TRPM3: variants seen among roughly 807,000 people sequenced by gnomAD.
TRPM3 encodes the protein transient receptor potential cation channel subfamily M member 3.
Under a neutral mutation model 181.2 loss-of-function variants are expected in TRPM3, and 77 were observed. The observed-to-expected ratio is 0.42, with a 90% CI of 0.35 to 0.51. The LOEUF is 0.51. Ranked by LOEUF, TRPM3 falls within the 20% of genes least tolerant of loss-of-function variation. The probability of loss-of-function intolerance (pLI) is 0.01; values close to 1 mark genes in which losing one functional copy is unlikely to be tolerated. For synonymous variants in TRPM3, 745 were observed against 796.4 expected (o/e 0.94, Z 1.09); for missense variants, 1,759 against 2,196.7 (o/e 0.80, Z 3.98).
chr9:71,353,449 C>T (rs2091753344), intron 1 of TRPM3, among the ~76,000 whole-genome samples: 1 of 152,264 alleles, frequency 6.6e-6, no homozygotes, highest in African/African-American at 2.4e-5. Context: ...TTTTCCTTCT[C>T]ACTGAATGTC....
At chr9:71,057,618 AAAGTT>A (rs1173340569) in intron 1 of TRPM3, among the ~76,000 whole-genome samples, 1 of 152,016 alleles carries the variant, frequency 6.6e-6, no homozygotes, top group Non-Finnish European at 1.5e-5. Context: ...ACCTATCCTA[AAAGTT>A]AAGTGTTATC....
At chr9:70,786,344 G>T (rs1486771682) in intron 6 of TRPM3, among the ~76,000 whole-genome samples, 4 of 102,568 alleles carry the variant, frequency 3.9e-5, no homozygotes, top group African/African-American at 1.3e-4. Flanking sequence ...AATTAGCTGG[G>T]CGTGGTGGCA....
rs549259955 is a variant in TRPM3, at chr9:71,326,237, G to T, written c.183+120416C>A. 2.6e-5 allele frequency among the ~76,000 whole-genome samples: 4 copies of T among 152,248 alleles called. No individual in the cohort carries two copies. The East Asian group carries it at 7.7e-4, about 29-fold the overall frequency. On this transcript the variant is annotated intron_variant, in intron 1 of 24. Coordinates refer to the TRPM3 transcript ENST00000357533. ...AATGTCCTACATTTCTAAGAAAGATGATATTTATTAATAATTTAGAAGAAA... is the reference window on the plus strand; with the variant it reads ...AATGTCCTACATTTCTAAGAAAGATTATATTTATTAATAATTTAGAAGAAA...
In TRPM3 at chr9:70,923,143, A is replaced by G. The variant is rs371422478; in HGVS notation, c.178-58632T>C. ...AATTACCTGGTTTATTAATTTTTGTAAACATTTAGATGAACTAGTTAATAA... is the reference window on the plus strand; with the variant it reads ...AATTACCTGGTTTATTAATTTTTGTGAACATTTAGATGAACTAGTTAATAA... On this transcript the variant is annotated intron_variant, in intron 1 of 25. Transcript: ENST00000677713. 5.9e-5 allele frequency among the ~76,000 whole-genome samples: 9 copies of G among 152,314 alleles called. No homozygotes were observed. In the South Asian group the frequency reaches 1.9e-3, roughly 32 times the overall value.
At chr9:71,446,643 G>C (rs1411054769) in intron 1 of TRPM3, 4 of 1,549,112 alleles carry the variant, frequency 2.6e-6, no homozygotes, top group Admixed American at 3.9e-5. Context: ...GCTCTCCCCC[G>C]GCCACTCACC....
intron 1 of TRPM3, among the ~76,000 whole-genome samples, chr9:71,200,373 T>C (rs1261865360): frequency 5.9e-5 from 9 of 151,404 alleles, no homozygotes; most frequent in Non-Finnish European, 7.4e-5. Flanking sequence ...GAGAGTTCTG[T>C]AGATGTCTAT....
At chr9:71,351,876 GTTTTTT>G (rs55844483) in intron 1 of TRPM3, among the ~76,000 whole-genome samples, 39,221 of 141,614 alleles carry the variant, frequency 0.28, 5,631 homozygotes, top group Middle Eastern at 0.33. Context: ...GTTTGTTTTT[GTTTTTT>G]TTTTTTTTTT....
chr9:71,310,251 T>C (rs186094333), intron 1 of TRPM3, among the ~76,000 whole-genome samples: 1 of 152,162 alleles, frequency 6.6e-6, no homozygotes, highest in Admixed American at 6.6e-5. Context: ...GATGGTTTAT[T>C]TTTTATATGT....
chr9:70,624,666 A>G (rs2064206247), intron 14 of TRPM3, among the ~76,000 whole-genome samples: 1 of 152,202 alleles, frequency 6.6e-6, no homozygotes, highest in Admixed American at 6.5e-5. Flanking sequence ...TTCTTTATAT[A>G]CTTTAACCAG....
chr9:71,174,605 G>T (rs538381787), intron 1 of TRPM3, among the ~76,000 whole-genome samples: 2 of 152,172 alleles, frequency 1.3e-5, no homozygotes, highest in South Asian at 4.1e-4. Flanking sequence ...ATATTTTGAG[G>T]CATCATGAAA....
At chr9:71,358,292 A>G (rs1004075797) in intron 1 of TRPM3, among the ~76,000 whole-genome samples, 10 of 152,182 alleles carry the variant, frequency 6.6e-5, no homozygotes, top group Non-Finnish European at 1.5e-4. Flanking sequence ...TTCATTCATT[A>G]GTAGGGTTTA....
intron 18 of TRPM3, among the ~76,000 whole-genome samples, chr9:70,613,064 A>G (rs1191689512): frequency 6.6e-6 from 1 of 152,058 alleles, no homozygotes; most frequent in African/African-American, 2.4e-5. Context: ...AAAAGCAAAA[A>G]CCTGTTTTGC....
rs1357261252 is a variant in TRPM3, at chr9:70,686,606, C to T, written c.1273-5028G>A. On this transcript the variant is annotated intron_variant, in intron 8 of 25. Transcript: ENST00000677713. The stretch of plus-strand genomic sequence containing the variant: ...CCTCCCTCCCTCCCTCCCTCCCTCC[C>T]TCCCGCCCTTCCTGGAAACTCCTTC... 5.3e-4 allele frequency among the ~76,000 whole-genome samples: 61 copies of T among 114,552 alleles called. No individual in the cohort carries two copies. In the South Asian group the frequency reaches 0.019, roughly 35 times the overall value. The allele number at this position is 114,552 out of a possible 152,430, so 75.2% of individuals were successfully genotyped here. A position where few individuals can be genotyped will look rare whatever the true frequency, so the allele number is the denominator to read the frequency against.
At chr9:70,693,301 C>G (rs2069131433) in intron 8 of TRPM3, among the ~76,000 whole-genome samples, 1 of 152,136 alleles carries the variant, frequency 6.6e-6, no homozygotes, top group Non-Finnish European at 1.5e-5. Context: ...TTATATATCT[C>G]ATGGCCTTGG....
At position 70,552,790 on chromosome 9, in the gene TRPM3, G is replaced by A. The variant is rs2046793629; in HGVS notation, c.3574+54C>T. The A allele has an allele frequency of 3.1e-6, 5 of 1,588,368 alleles. No individual in the cohort carries two copies. The Admixed American group carries it at 8.3e-5, about 26-fold the overall frequency. ...ATGCGATTCTGCGTGATTGCCTATA[G>A]GAAGTGGTAGGGATTTCTGATTTGT... On this transcript the variant is annotated intron_variant, in intron 24 of 25. Transcript: ENST00000677713.
intron 1 of TRPM3, among the ~76,000 whole-genome samples, chr9:71,282,127 C>T (rs199862080): frequency 0.057 from 3,256 of 57,416 alleles, 62 homozygotes; most frequent in Middle Eastern, 0.19. Context: ...AAAGAAAGAA[C>T]GAAAGAAAGA....
chr9:70,668,492 G>A (rs2134025012), intron 9 of TRPM3, among the ~76,000 whole-genome samples: 1 of 151,768 alleles, frequency 6.6e-6, no homozygotes, highest in African/African-American at 2.4e-5. Flanking sequence ...GTGAAACCCC[G>A]TCTCTACTAA....
At chr9:71,445,832 A>G (rs1393761673) in intron 1 of TRPM3, among the ~76,000 whole-genome samples, 1 of 152,168 alleles carries the variant, frequency 6.6e-6, no homozygotes, top group Non-Finnish European at 1.5e-5. Flanking sequence ...GATGTTTGGG[A>G]AGTTAAAAGT....
At chr9:70,855,242 G>T (rs2095356534) in intron 3 of TRPM3, among the ~76,000 whole-genome samples, 1 of 152,176 alleles carries the variant, frequency 6.6e-6, no homozygotes, top group Admixed American at 6.5e-5. Flanking sequence ...CCCACAGTAG[G>T]CAAAGGCTGA....
Sources: allele counts gnomAD v4.1 joint callset (sites outside exome capture counted in the v4.1 genomes callset), GRCh38; gene constraint gnomAD v4.1.1; transcripts MANE v1.5; gene names NCBI Gene and HGNC (gene_info 2026-07-23, HGNC 2026-07-21).